Variants in OSBPL2 observed in about 807,000 individuals in gnomAD.
OSBPL2 encodes the protein oxysterol-binding protein-related protein 2.
Under a neutral mutation model 58.4 loss-of-function variants are expected in OSBPL2, and 18 were observed. That is an observed-to-expected ratio of 0.31 (90% confidence interval 0.21 to 0.46). The LOEUF (loss-of-function observed/expected upper bound fraction) is 0.46, where lower values mean the gene tolerates loss of function less well. Ranked by LOEUF, OSBPL2 falls within the 20% of genes least tolerant of loss-of-function variation. The pLI is 1.00. For synonymous variants in OSBPL2, 221 were observed against 234.1 expected (o/e 0.94, Z 0.51); for missense variants, 461 against 616.5 (o/e 0.75, Z 2.67).
intron 1 of OSBPL2, among the ~76,000 whole-genome samples, chr20:62,243,443 GCCC>G (rs1437308421): frequency 7.3e-6 from 1 of 136,320 alleles, no homozygotes; most frequent in Non-Finnish European, 1.6e-5. Flanking sequence ...CGCAGCCCCT[GCCC>G]CGCAGCGCCT....
At chr20:62,292,384 G>A (rs1477051862) in intron 13 of OSBPL2, among the ~76,000 whole-genome samples, 1 of 152,246 alleles carries the variant, frequency 6.6e-6, no homozygotes, top group Non-Finnish European at 1.5e-5. Context: ...GAAAGGTTTT[G>A]TGAAAATTAA....
At chr20:62,260,204 C>T (rs1300835070) in intron 3 of OSBPL2, 79 bp downstream of exon 3, 4 of 1,406,964 alleles carry the variant, frequency 2.8e-6, no homozygotes, top group South Asian at 2.6e-5. Context: ...CCCCTCAGCC[C>T]TCACGAGCAT....
chr20:62,244,769 A>G (rs1979983382), intron 1 of OSBPL2, among the ~76,000 whole-genome samples: 1 of 152,224 alleles, frequency 6.6e-6, no homozygotes, highest in South Asian at 2.1e-4. Context: ...GTCGGGCCAC[A>G]CTGGCCGCGA....
intron 1 of OSBPL2, among the ~76,000 whole-genome samples, chr20:62,249,679 A>T (rs1054641764): frequency 6.6e-6 from 1 of 152,160 alleles, no homozygotes; most frequent in Non-Finnish European, 1.5e-5. Flanking sequence ...GGTTCAAGCA[A>T]TTCTCCTGCC....
chr20:62,248,495 G>C (rs372639332), intron 1 of OSBPL2, among the ~76,000 whole-genome samples: 28 of 152,104 alleles, frequency 1.8e-4, no homozygotes, highest in African/African-American at 5.3e-4. Context: ...AACCTCAGAA[G>C]TGATTTTAGA....
At chr20:62,258,814 T>C (rs3787433) in intron 2 of OSBPL2, 58,680 of 152,204 alleles carry the variant, frequency 0.39, 12,843 homozygotes, top group East Asian at 0.53. Flanking sequence ...TTAAGATAAC[T>C]TCAGAGTGAG....
chr20:62,241,729 T>G (rs913155500), intron 1 of OSBPL2, among the ~76,000 whole-genome samples: 2 of 152,248 alleles, frequency 1.3e-5, no homozygotes, highest in African/African-American at 4.8e-5. Flanking sequence ...ACATCAAGTG[T>G]CTGATACGTT....
intron 1 of OSBPL2, among the ~76,000 whole-genome samples, chr20:62,245,839 T>C (rs1162150453): frequency 6.6e-6 from 1 of 152,254 alleles, no homozygotes; most frequent in Admixed American, 6.5e-5. Flanking sequence ...GTTCTAAATT[T>C]ATACAAAATC....
chr20:62,272,447 C>T (rs889408152), intron 5 of OSBPL2, among the ~76,000 whole-genome samples, 188 bp downstream of exon 5: 2 of 152,146 alleles, frequency 1.3e-5, no homozygotes, highest in Admixed American at 6.5e-5. Flanking sequence ...CAGAACTTGC[C>T]GGAAATGCCA....
Position 62,293,919 on chromosome 20 carries a change from AGGCTGACGAGGCT to A in OSBPL2, c.*35_*47del, listed in dbSNP as rs1983698686. Reference sequence around the variant, plus strand: ...GGAGGGGCCTGGGGCCCGGGACCGGAGGCTGACGAGGCTGGACTTCCTCGAGTGGCCACTGTGA... The same window carrying A: ...GGAGGGGCCTGGGGCCCGGGACCGGAGGACTTCCTCGAGTGGCCACTGTGA... On this transcript the variant is annotated 3_prime_UTR_variant, in exon 14 of 14. Transcript: ENST00000313733. 1 of 1,605,308 alleles carries A rather than the reference AGGCTGACGAGGCT, an allele frequency of 6.2e-7. No homozygotes were observed. Among genetic ancestry groups the A allele is most frequent in the Non-Finnish European group, 8.5e-7 (1 of 1,176,630 alleles).
intron 5 of OSBPL2, among the ~76,000 whole-genome samples, chr20:62,273,019 A>T (rs1256050367): frequency 6.6e-6 from 1 of 152,214 alleles, no homozygotes; most frequent in Non-Finnish European, 1.5e-5. Context: ...GTGTGTGCAT[A>T]TCAGACGGAG....
At chr20:62,243,339 C>G (rs1173505567) in intron 1 of OSBPL2, among the ~76,000 whole-genome samples, 1 of 152,212 alleles carries the variant, frequency 6.6e-6, no homozygotes, top group Non-Finnish European at 1.5e-5. Flanking sequence ...AATGCTGGAA[C>G]ACCTGAGCGG....
intron 3 of OSBPL2, among the ~76,000 whole-genome samples, chr20:62,262,558 G>A (rs183758963): frequency 5.3e-5 from 8 of 152,320 alleles, no homozygotes; most frequent in Non-Finnish European, 8.8e-5. Context: ...GCTGGCTTCC[G>A]GCAGCCCGGG....
intron 1 of OSBPL2, among the ~76,000 whole-genome samples, chr20:62,246,053 G>A (rs1008018394): frequency 5.3e-5 from 8 of 152,250 alleles, no homozygotes; most frequent in Non-Finnish European, 8.8e-5. Flanking sequence ...TAGCTGTGGC[G>A]CGGGGCCGGC....
chr20:62,282,025 C>T (rs1982826203), intron 9 of OSBPL2, 146 bp downstream of exon 9: 3 of 474,902 alleles, frequency 6.3e-6, no homozygotes, highest in East Asian at 3.1e-5. Flanking sequence ...AGAAGTATGA[C>T]TCTTTTTTGT....
intron 7 of OSBPL2, chr20:62,280,144 C>CCTACAACAAGA: frequency 7.7e-7 from 1 of 1,298,606 alleles, no homozygotes; most frequent in Non-Finnish European, 1.0e-6. Flanking sequence ...CAAGCCACTG[C>CCTACAACAAGA]CTGCAGTCTT....
chr20:62,250,306 G>T (rs894982207), intron 1 of OSBPL2, among the ~76,000 whole-genome samples: 4 of 152,180 alleles, frequency 2.6e-5, no homozygotes, highest in South Asian at 2.1e-4. Flanking sequence ...ACAGGGTGTG[G>T]TGCCTGTTAT....
intron 4 of OSBPL2, among the ~76,000 whole-genome samples, chr20:62,271,399 G>A (rs565171479): frequency 9.2e-5 from 14 of 152,330 alleles, no homozygotes; most frequent in South Asian, 4.1e-4. Flanking sequence ...CTGGAGGGAC[G>A]GGAAGCCAGG....
chr20:62,266,816 A>G (rs774017619), intron 4 of OSBPL2, among the ~76,000 whole-genome samples: 13 of 152,244 alleles, frequency 8.5e-5, no homozygotes, highest in Non-Finnish European at 1.8e-4. Flanking sequence ...TTAGAAAGTC[A>G]TTTAATATCA....
Sources: allele counts gnomAD v4.1 joint callset (sites outside exome capture counted in the v4.1 genomes callset), GRCh38; gene constraint gnomAD v4.1.1; transcripts MANE v1.5; gene names NCBI Gene and HGNC (gene_info 2026-07-23, HGNC 2026-07-21).